TAB2: variants seen among roughly 807,000 people sequenced by gnomAD.
TAB2 encodes TGF-beta activated kinase 1 (MAP3K7) binding protein 2, also known as TGF-beta-activated kinase 1 and MAP3K7-binding protein 2.
In TAB2, 3 loss-of-function variants were observed where a neutral mutation model predicts 65.0. The observed-to-expected ratio is 0.05, with a 90% CI of 0.02 to 0.12. The LOEUF (loss-of-function observed/expected upper bound fraction) is 0.12, where lower values mean the gene tolerates loss of function less well. Ranked by LOEUF, TAB2 falls within the 10% of genes least tolerant of loss-of-function variation. The pLI is 1.00. For missense variants in TAB2, 623 were observed against 840.3 expected (o/e 0.74, Z 3.20); for synonymous variants, 298 against 285.1 (o/e 1.05, Z -0.46).
chr6:149,274,598 G>C (rs889871514), intron 1 of TAB2, among the ~76,000 whole-genome samples: 5 of 152,152 alleles, frequency 3.3e-5, no homozygotes, highest in African/African-American at 1.2e-4. Flanking sequence ...AAAAGGCTAA[G>C]TTCTTTAAAG....
At chr6:149,408,731 G>A (rs906685679) in intron 6 of TAB2, among the ~76,000 whole-genome samples, 2 of 152,132 alleles carry the variant, frequency 1.3e-5, no homozygotes, top group African/African-American at 4.8e-5. Context: ...TTTTATAAAT[G>A]TAATCGCTTG....
In TAB2 at chr6:149,369,797, T is replaced by C; in HGVS notation, c.-89-112T>C. On this transcript the variant is annotated intron_variant, in intron 1 of 6. Transcript: ENST00000637181. ...ATTTTAGGTCTAAATATTTTTATAG[T>C]TTATAATGTTAAGTGCTAAAGCACA... 4.9e-6 allele frequency: 3 copies of C among 607,310 alleles called. No homozygotes were observed. In the South Asian group the frequency reaches 6.1e-5, roughly 12 times the overall value. The allele number at this position is 607,310 out of a possible 1,614,324, so 37.6% of individuals were successfully genotyped here. A position where few individuals can be genotyped will look rare whatever the true frequency, so the allele number is the denominator to read the frequency against.
intron 1 of TAB2, among the ~76,000 whole-genome samples, chr6:149,325,104 C>T (rs1021757645): frequency 6.6e-6 from 1 of 152,068 alleles, no homozygotes; most frequent in Non-Finnish European, 1.5e-5. Flanking sequence ...CTTAATTTTA[C>T]CGTGTTGGGA....
At chr6:149,406,145 C>T (rs2114971094) in intron 6 of TAB2, among the ~76,000 whole-genome samples, 1 of 152,306 alleles carries the variant, frequency 6.6e-6, no homozygotes, top group Middle Eastern at 3.4e-3. Context: ...CATAGTGTTA[C>T]ATCATCCTCA....
At chr6:149,395,353 G>A in intron 3 of TAB2, among the ~76,000 whole-genome samples, 1 of 152,148 alleles carries the variant, frequency 6.6e-6, no homozygotes, top group Admixed American at 6.5e-5. Context: ...AATTATCCCT[G>A]TCTGGTTTTT....
At chr6:149,336,818 G>A (rs1779947891) in intron 1 of TAB2, among the ~76,000 whole-genome samples, 1 of 151,990 alleles carries the variant, frequency 6.6e-6, no homozygotes. Flanking sequence ...AAGGGTGTGG[G>A]GACTGCTGGG....
chr6:149,304,832 C>T (rs947323676), intron 1 of TAB2, among the ~76,000 whole-genome samples: 2 of 152,128 alleles, frequency 1.3e-5, no homozygotes, highest in African/African-American at 4.8e-5. Flanking sequence ...AGTCCCCATG[C>T]ATACCAAAAT....
At position 149,283,691 on chromosome 6, in the gene TAB2, CAA is replaced by C. The variant is rs1456290062; in HGVS notation, c.-121+64916_-121+64917del. ...CTCCATTGTACTCCAGCCCAGGCGACAAGAGAGAAATTCTGTCTAAAAAACAA... is the reference window on the plus strand; with the variant it reads ...CTCCATTGTACTCCAGCCCAGGCGACGAGAGAAATTCTGTCTAAAAAACAA... On this transcript the variant is annotated intron_variant, in intron 1 of 1. Coordinates refer to the TAB2 transcript ENST00000606202. 5.9e-5 allele frequency among the ~76,000 whole-genome samples: 9 copies of C among 152,130 alleles called. No homozygotes were observed. The East Asian group carries it at 1.7e-3, about 29-fold the overall frequency.
chr6:149,232,952 G>A (rs1038307831), intron 1 of TAB2, among the ~76,000 whole-genome samples: 12 of 152,112 alleles, frequency 7.9e-5, no homozygotes, highest in South Asian at 2.1e-4. Flanking sequence ...TGTGGAAGTC[G>A]AAGCCCAAAA....
At chr6:149,252,826 T>C (rs1392121119) in intron 1 of TAB2, among the ~76,000 whole-genome samples, 1 of 152,156 alleles carries the variant, frequency 6.6e-6, no homozygotes, top group Admixed American at 6.6e-5. Flanking sequence ...GCCAATAAAA[T>C]GAGAAAGGAT....
intron 1 of TAB2, among the ~76,000 whole-genome samples, chr6:149,353,001 G>C (rs1780540341): frequency 1.3e-5 from 2 of 152,174 alleles, no homozygotes; most frequent in South Asian, 2.1e-4. Context: ...ACTCAACTTT[G>C]TTTGCTCTAA....
intron 2 of TAB2, among the ~76,000 whole-genome samples, chr6:149,377,449 C>T (rs1781442287): frequency 1.3e-5 from 2 of 151,330 alleles, no homozygotes; most frequent in Non-Finnish European, 2.9e-5. Context: ...CCTTGAGCCT[C>T]CAGAGAGAGA....
At chr6:149,374,402 T>G (rs1048819307) in intron 2 of TAB2, among the ~76,000 whole-genome samples, 23 of 152,254 alleles carry the variant, frequency 1.5e-4, no homozygotes, top group Non-Finnish European at 3.1e-4. Flanking sequence ...CAAGATTTTT[T>G]TTTAGAGACA....
chr6:149,275,793 C>A (rs1411378329), intron 1 of TAB2, among the ~76,000 whole-genome samples: 1 of 152,110 alleles, frequency 6.6e-6, no homozygotes, highest in Non-Finnish European at 1.5e-5. Context: ...TTCCCAAAAC[C>A]CATAACTCCA....
chr6:149,339,805 G>A (rs1380357559), intron 1 of TAB2, among the ~76,000 whole-genome samples: 3 of 151,926 alleles, frequency 2.0e-5, no homozygotes, highest in Non-Finnish European at 4.4e-5. Flanking sequence ...TACCATGTTG[G>A]CCAAGCTGGT....
intron 1 of TAB2, among the ~76,000 whole-genome samples, chr6:149,350,410 C>T (rs994287303): frequency 1.3e-5 from 2 of 152,080 alleles, no homozygotes; most frequent in Non-Finnish European, 2.9e-5. Flanking sequence ...CTGTCCAATT[C>T]AGGATTTTAT....
rs73613025 is a variant in TAB2 at position 149,334,300 on chromosome 6, A to G, written c.-90+16285A>G. Among the ~76,000 whole-genome samples the G allele has an allele frequency of 5.0e-3, 760 of 152,126 alleles. 5 individuals carry two copies. Among genetic ancestry groups the G allele is most frequent in the African/African-American group, 0.018 (739 of 41,450 alleles). Reference sequence around the variant, plus strand: ...CTGAAACTCACTACAGCGTATCTCTACAAAATCTCTTGCCTTTCTTAGGGA... The same window carrying G: ...CTGAAACTCACTACAGCGTATCTCTGCAAAATCTCTTGCCTTTCTTAGGGA... On this transcript the variant is annotated intron_variant, in intron 1 of 6. Transcript: ENST00000637181.
At chr6:149,367,392 G>C (rs112090044) in intron 1 of TAB2, among the ~76,000 whole-genome samples, 2 of 152,068 alleles carry the variant, frequency 1.3e-5, no homozygotes, top group African/African-American at 4.8e-5. Context: ...CAGCAAATCC[G>C]ATAGCCCTAA....
intron 1 of TAB2, among the ~76,000 whole-genome samples, chr6:149,234,871 A>AAAAAC (rs1389247989): frequency 6.7e-6 from 1 of 148,532 alleles, no homozygotes; most frequent in African/African-American, 2.5e-5. Flanking sequence ...TGTGAAAAAA[A>AAAAAC]AAAAAAAAAA....
Sources: allele counts gnomAD v4.1 joint callset (sites outside exome capture counted in the v4.1 genomes callset), GRCh38; gene constraint gnomAD v4.1.1; transcripts MANE v1.5; gene names NCBI Gene and HGNC (gene_info 2026-07-23, HGNC 2026-07-21).